The following LDB2 variants were observed in gnomAD, a reference collection of about 807,000 sequenced individuals.
LDB2 encodes the protein LIM domain-binding protein 2.
In LDB2, 12 loss-of-function variants were observed where a neutral mutation model predicts 44.3. The ratio of observed to expected loss-of-function variants is 0.27; its 90% CI spans 0.17 to 0.44. The LOEUF is 0.44. LDB2 is among the 20% of genes least tolerant of loss of function. The probability of loss-of-function intolerance (pLI) is 1.00; values close to 1 mark genes in which losing one functional copy is unlikely to be tolerated. For missense variants in LDB2, 344 were observed against 473.5 expected (o/e 0.73, Z 2.54); for synonymous variants, 164 against 174.8 (o/e 0.94, Z 0.49).
At chr4:16,535,004 C>T (rs571839923) in intron 5 of LDB2, among the ~76,000 whole-genome samples, 8 of 152,296 alleles carry the variant, frequency 5.3e-5, no homozygotes, top group African/African-American at 1.7e-4. Context: ...CCAGTCTCAA[C>T]TCTCCCCAAA....
chr4:16,599,667 C>T (rs567740001), intron 2 of LDB2, among the ~76,000 whole-genome samples: 3 of 152,172 alleles, frequency 2.0e-5, no homozygotes, highest in East Asian at 1.9e-4. Context: ...CATGCACATA[C>T]GCACGCAATG....
chr4:16,862,166 C>A (rs761092207), intron 1 of LDB2, among the ~76,000 whole-genome samples: 22 of 152,308 alleles, frequency 1.4e-4, no homozygotes, highest in Non-Finnish European at 2.5e-4. Context: ...TATATCTTCA[C>A]ATGCTTAGTA....
chr4:16,542,101 T>TGGTG (rs1553889139), intron 5 of LDB2, among the ~76,000 whole-genome samples: 1 of 83,688 alleles, frequency 1.2e-5, no homozygotes, highest in African/African-American at 5.2e-5. Flanking sequence ...CATCAGGTGG[T>TGGTG]GGGGGGGGGG....
At chr4:16,797,945 G>A (rs1777059790) in intron 1 of LDB2, among the ~76,000 whole-genome samples, 1 of 148,870 alleles carries the variant, frequency 6.7e-6, no homozygotes, top group African/African-American at 2.5e-5. Context: ...TGAGGCAGGA[G>A]AATTGCTTGA....
chr4:16,789,689 G>A (rs1053710910), intron 1 of LDB2, among the ~76,000 whole-genome samples: 4 of 152,112 alleles, frequency 2.6e-5, no homozygotes, highest in Non-Finnish European at 5.9e-5. Context: ...CAGCACTTTC[G>A]GAGGCCAAGG....
chr4:16,773,596 G>A (rs769258055), intron 1 of LDB2, among the ~76,000 whole-genome samples: 4 of 152,200 alleles, frequency 2.6e-5, no homozygotes, highest in Non-Finnish European at 4.4e-5. Context: ...AGGCAGTAAT[G>A]TGAGTGATGG....
intron 2 of LDB2, among the ~76,000 whole-genome samples, chr4:16,660,564 G>A (rs1444473669): frequency 6.6e-6 from 1 of 152,148 alleles, no homozygotes; most frequent in African/African-American, 2.4e-5. Context: ...CATTTCTTCA[G>A]CATTTACTGT....
intron 2 of LDB2, among the ~76,000 whole-genome samples, chr4:16,603,044 C>A (rs1722978371): frequency 1.3e-5 from 2 of 152,124 alleles, no homozygotes; most frequent in African/African-American, 4.8e-5. Context: ...TCGACATATT[C>A]AGGTTATTTT....
intron 5 of LDB2, among the ~76,000 whole-genome samples, chr4:16,578,294 C>G (rs1226578924): frequency 1.3e-5 from 2 of 152,076 alleles, no homozygotes; most frequent in African/African-American, 4.8e-5. Flanking sequence ...AAAATAGTTG[C>G]AAGCTACCCA....
rs747097456 is a variant in LDB2 at position 16,655,896 on chromosome 4, C to CTTTTTTTTTTTTTTTT, written c.236-60037_236-60022dup. 3.4e-4 allele frequency among the ~76,000 whole-genome samples: 32 copies of CTTTTTTTTTTTTTTTT among 93,314 alleles called. 1 individual carries two copies. Among genetic ancestry groups the CTTTTTTTTTTTTTTTT allele is most frequent in the Non-Finnish European group, 3.9e-4 (20 of 51,190 alleles). 61.2% of individuals were successfully genotyped at this position (93,314 alleles called of 152,430 possible). ...AAACGTTGGTTGTTCTGCAAGAAAACTTTTTTTTTTTTTTTTTTTTTGAGA... is the reference window on the plus strand; with the variant it reads ...AAACGTTGGTTGTTCTGCAAGAAAACTTTTTTTTTTTTTTTTTTTTTTTTTTTTTTTTTTTTTGAGA... On this transcript the variant is annotated intron_variant, in intron 2 of 7. Transcript: ENST00000304523.
At chr4:16,601,420 C>T (rs1722549961) in intron 2 of LDB2, among the ~76,000 whole-genome samples, 1 of 152,072 alleles carries the variant, frequency 6.6e-6, no homozygotes. Flanking sequence ...TTCCAAGAAA[C>T]AGAAGGGGTT....
intron 2 of LDB2, among the ~76,000 whole-genome samples, chr4:16,671,214 T>C (rs1486979413): frequency 6.6e-6 from 1 of 152,106 alleles, no homozygotes; most frequent in Non-Finnish European, 1.5e-5. Flanking sequence ...GGTGTACCCT[T>C]GAGAGTACTT....
chr4:16,593,733 G>C (rs1033619248), intron 3 of LDB2, among the ~76,000 whole-genome samples: 6 of 152,150 alleles, frequency 3.9e-5, no homozygotes, highest in Non-Finnish European at 7.4e-5. Flanking sequence ...GGAGTGCTCA[G>C]GTGTTTCTGG....
intron 2 of LDB2, among the ~76,000 whole-genome samples, chr4:16,601,113 A>G (rs983496510): frequency 1.3e-5 from 2 of 152,210 alleles, no homozygotes; most frequent in Non-Finnish European, 2.9e-5. Flanking sequence ...CAAAAGGATT[A>G]CAACATAAAC....
At chr4:16,804,026 G>C (rs546525314) in intron 1 of LDB2, among the ~76,000 whole-genome samples, 1 of 152,188 alleles carries the variant, frequency 6.6e-6, no homozygotes, top group East Asian at 1.9e-4. Context: ...ACTTGATTGA[G>C]TACTCTTAGA....
intron 5 of LDB2, among the ~76,000 whole-genome samples, chr4:16,561,911 G>A (rs1401527329): frequency 6.6e-6 from 1 of 152,020 alleles, no homozygotes; most frequent in African/African-American, 2.4e-5. Flanking sequence ...CAGAAATAAC[G>A]CCACATATCT....
intron 1 of LDB2, among the ~76,000 whole-genome samples, chr4:16,857,880 C>T (rs1288186340): frequency 6.6e-6 from 1 of 152,118 alleles, no homozygotes; most frequent in Non-Finnish European, 1.5e-5. Flanking sequence ...CGCAGTACAT[C>T]TTGTGTTCAT....
chr4:16,545,454 G>T (rs989906739), intron 5 of LDB2, among the ~76,000 whole-genome samples: 7 of 152,120 alleles, frequency 4.6e-5, no homozygotes, highest in Non-Finnish European at 1.0e-4. Context: ...ACTTTTACCC[G>T]TGGAGAATTG....
chr4:16,586,542 CACACACACAT>C (rs1560554783), intron 4 of LDB2, among the ~76,000 whole-genome samples: 8 of 135,612 alleles, frequency 5.9e-5, no homozygotes, highest in African/African-American at 2.1e-4. Context: ...CACACACACA[CACACACACAT>C]ATATATGGAG....
Sources: gnomAD v4.1 joint callset for allele counts (sites outside exome capture counted in the v4.1 genomes callset) on GRCh38, gnomAD v4.1.1 for gene constraint, MANE v1.5 for transcripts, NCBI Gene and HGNC (gene_info 2026-07-23, HGNC 2026-07-21) for gene names.